Variants in MGAT4C observed in about 807,000 individuals in gnomAD.
MGAT4C encodes alpha-1,3-mannosyl-glycoprotein 4-beta-N-acetylglucosaminyltransferase C.
A neutral mutation model predicts 40.1 loss-of-function variants in MGAT4C; 19 were observed. The ratio of observed to expected loss-of-function variants is 0.47; its 90% CI spans 0.33 to 0.70. The LOEUF is 0.70. MGAT4C is among the 30% of genes least tolerant of loss of function. The pLI, the probability that MGAT4C is intolerant of heterozygous loss-of-function variation, is 0.02. For missense variants in MGAT4C, 491 were observed against 563.2 expected, an observed-to-expected ratio of 0.87 and a Z score of 1.30; for synonymous variants, 181 against 187.1, an observed-to-expected ratio of 0.97 and a Z score of 0.27.
intron 3 of MGAT4C, among the ~76,000 whole-genome samples, chr12:86,428,038 A>G (rs1279482687): frequency 6.6e-6 from 1 of 151,464 alleles, no homozygotes; most frequent in Non-Finnish European, 1.5e-5. Context: ...CAGCAACAAC[A>G]ACAACAACAA....
chr12:86,110,758 A>G (rs550963729), intron 1 of MGAT4C, among the ~76,000 whole-genome samples: 1 of 151,754 alleles, frequency 6.6e-6, no homozygotes, highest in South Asian at 2.1e-4. Flanking sequence ...TATAGGATTT[A>G]TAATACTCAG....
At chr12:86,399,443 G>A (rs529391515) in intron 3 of MGAT4C, among the ~76,000 whole-genome samples, 40 of 151,110 alleles carry the variant, frequency 2.6e-4, no homozygotes, top group Non-Finnish European at 5.6e-4. Flanking sequence ...CACCACACCC[G>A]GCTAATTTTT....
chr12:85,960,741 A>C lies in MGAT4C; in HGVS notation c.*18548T>G, dbSNP rs556366231. 18 of 151,988 alleles carry C rather than the reference A, an allele frequency of 1.2e-4. No individual in the cohort carries two copies. Among genetic ancestry groups the C allele is most frequent in the Admixed American group, 3.9e-4 (6 of 15,246 alleles). 9.4% of individuals were successfully genotyped at this position (151,988 alleles called of 1,614,324 possible). On this transcript the variant is annotated 3_prime_UTR_variant, in exon 5 of 5. Transcript: ENST00000611864. ...CTCTAGATAATTTTTGTTTATTTGG[A>C]TATAACGTGAATGGGCCCATACCAT...
chr12:86,201,277 C>T (rs78085930), intron 1 of MGAT4C, among the ~76,000 whole-genome samples: 447 of 152,096 alleles, frequency 2.9e-3, no homozygotes, highest in African/African-American at 0.01. Flanking sequence ...TAAACGATCA[C>T]AGCAACTTTG....
In MGAT4C at chr12:86,346,107, T is replaced by C. The variant is rs12321977; in HGVS notation, c.-119-11980A>G. ...CAACCAAATTTAAATGCTATTTATATAAATTGTGCCCACTATTTTAAATCC... is the reference window on the plus strand; with the variant it reads ...CAACCAAATTTAAATGCTATTTATACAAATTGTGCCCACTATTTTAAATCC... On this transcript the variant is annotated intron_variant, in intron 3 of 7. Coordinates refer to the MGAT4C transcript ENST00000548651. Among the ~76,000 whole-genome samples the C allele has an allele frequency of 8.2e-3, 1,242 of 152,346 alleles. 24 individuals are homozygous for C. The highest frequency in any genetic ancestry group is 0.029 in the African/African-American group (1,189 of 41,580).
intron 2 of MGAT4C, among the ~76,000 whole-genome samples, chr12:86,444,622 T>C (rs999107673): frequency 6.6e-6 from 1 of 152,236 alleles, no homozygotes; most frequent in Admixed American, 6.5e-5. Context: ...CAGTCTTCCA[T>C]ATCTTAACAT....
chr12:86,352,474 C>T (rs1955184456), intron 3 of MGAT4C, among the ~76,000 whole-genome samples: 1 of 152,044 alleles, frequency 6.6e-6, no homozygotes, highest in Admixed American at 6.6e-5. Context: ...CTCCTTTTCA[C>T]AATGATAGCA....
At chr12:86,743,977 T>A (rs952748566) in intron 1 of MGAT4C, among the ~76,000 whole-genome samples, 5 of 151,538 alleles carry the variant, frequency 3.3e-5, no homozygotes, top group African/African-American at 1.2e-4. Context: ...AGTTTCAAAG[T>A]ATAAGGACAA....
chr12:86,022,031 T>C (rs528063937), intron 2 of MGAT4C, among the ~76,000 whole-genome samples: 2 of 152,320 alleles, frequency 1.3e-5, no homozygotes, highest in East Asian at 3.9e-4. Context: ...TTGTTTTTCT[T>C]AAGCTTGTTA....
chr12:86,346,307 C>T (rs1955031283), intron 3 of MGAT4C, among the ~76,000 whole-genome samples: 1 of 152,152 alleles, frequency 6.6e-6, no homozygotes, highest in Non-Finnish European at 1.5e-5. Context: ...TCACTGCAAC[C>T]TCTGCCTCTC....
intron 3 of MGAT4C, among the ~76,000 whole-genome samples, chr12:86,348,102 A>G (rs1426385152): frequency 6.6e-6 from 1 of 152,174 alleles, no homozygotes; most frequent in Non-Finnish European, 1.5e-5. Context: ...ACCTTGGATC[A>G]ATAAAATATT....
At chr12:86,203,068 AG>A (rs1369922583) in intron 1 of MGAT4C, among the ~76,000 whole-genome samples, 1 of 149,874 alleles carries the variant, frequency 6.7e-6, no homozygotes, top group Non-Finnish European at 1.5e-5. Flanking sequence ...TTACATAGCT[AG>A]TACATTTTTT....
intron 2 of MGAT4C, among the ~76,000 whole-genome samples, chr12:86,699,086 T>C (rs897019684): frequency 8.5e-5 from 13 of 152,154 alleles, no homozygotes; most frequent in African/African-American, 3.1e-4. Context: ...TTCTTCATCA[T>C]TAAATAGGAA....
upstream of MGAT4C, among the ~76,000 whole-genome samples, chr12:86,258,288 T>TATCC (rs764782694): frequency 3.7e-5 from 3 of 81,990 alleles, no homozygotes; most frequent in African/African-American, 1.7e-4. Flanking sequence ...GGATATAATC[T>TATCC]ATCTATCTAT....
intron 3 of MGAT4C, among the ~76,000 whole-genome samples, chr12:86,360,027 C>T (rs1955423500): frequency 1.3e-5 from 2 of 151,778 alleles, no homozygotes; most frequent in South Asian, 4.1e-4. Context: ...GACACAACAA[C>T]AACAAAAAAG....
intron 1 of MGAT4C, among the ~76,000 whole-genome samples, chr12:86,807,496 G>A (rs1023441885): frequency 2.6e-5 from 4 of 152,052 alleles, no homozygotes; most frequent in African/African-American, 9.7e-5. Context: ...TAGTGTATAT[G>A]TACCACATTT....
At chr12:86,561,857 C>T (rs1308589095) in intron 2 of MGAT4C, among the ~76,000 whole-genome samples, 1 of 152,162 alleles carries the variant, frequency 6.6e-6, no homozygotes, top group Non-Finnish European at 1.5e-5. Context: ...TCTTTAGTTG[C>T]TTTGGCATTT....
intron 3 of MGAT4C, among the ~76,000 whole-genome samples, chr12:86,398,780 T>TA (rs1437564357): frequency 6.6e-6 from 1 of 151,824 alleles, no homozygotes; most frequent in Non-Finnish European, 1.5e-5. Context: ...GAGTTGGACA[T>TA]AAAAAAATTA....
At chr12:86,588,332 C>T (rs1961159440) in intron 2 of MGAT4C, among the ~76,000 whole-genome samples, 1 of 151,946 alleles carries the variant, frequency 6.6e-6, no homozygotes, top group Non-Finnish European at 1.5e-5. Flanking sequence ...GTAAAGGAAT[C>T]AATTCAACAA....
Sources: gnomAD v4.1 joint callset for allele counts (sites outside exome capture counted in the v4.1 genomes callset) on GRCh38, gnomAD v4.1.1 for gene constraint, MANE v1.5 for transcripts, NCBI Gene and HGNC (gene_info 2026-07-23, HGNC 2026-07-21) for gene names.